Variants in NRXN3 observed in about 807,000 individuals in gnomAD.
The protein encoded by NRXN3 is neurexin 3, also known as neurexin III.
NRXN3 carries 32 observed loss-of-function variants against 137.6 expected under a neutral mutation model. That is an observed-to-expected ratio of 0.23 (90% CI 0.18 to 0.31). NRXN3 has a LOEUF of 0.31. Among genes scored for constraint, NRXN3 ranks in the 10% least tolerant of loss-of-function variants. The pLI is 1.00. For synonymous variants in NRXN3, 798 were observed against 784.5 expected (o/e 1.02, Z -0.29); for missense variants, 1,574 against 2,062.5 (o/e 0.76, Z 4.59).
chr14:78,234,718 C>T (rs1324533589), intron 1 of NRXN3, among the ~76,000 whole-genome samples: 1 of 152,152 alleles, frequency 6.6e-6, no homozygotes, highest in African/African-American at 2.4e-5. Context: ...TTCCTTTCTA[C>T]TAACATATAA....
intron 4 of NRXN3, among the ~76,000 whole-genome samples, chr14:78,388,125 G>A (rs1205363314): frequency 1.3e-5 from 2 of 152,176 alleles, no homozygotes; most frequent in Non-Finnish European, 2.9e-5. Context: ...AATTGCGCAG[G>A]TGGGATGGAT....
At chr14:79,646,721 C>G (rs947787974) in intron 16 of NRXN3, among the ~76,000 whole-genome samples, 1 of 130,520 alleles carries the variant, frequency 7.7e-6, no homozygotes, top group Non-Finnish European at 1.8e-5. Context: ...TGGTACGTTA[C>G]AGAAGGCATG....
intron 16 of NRXN3, among the ~76,000 whole-genome samples, chr14:79,544,360 C>T (rs751426988): frequency 4.6e-5 from 7 of 152,206 alleles, no homozygotes; most frequent in Non-Finnish European, 7.3e-5. Flanking sequence ...AGGAAAAATG[C>T]CACGATAACA....
intron 4 of NRXN3, among the ~76,000 whole-genome samples, chr14:78,531,858 G>A (rs756291373): frequency 6.6e-6 from 1 of 152,144 alleles, no homozygotes; most frequent in Non-Finnish European, 1.5e-5. Flanking sequence ...GCTTTTGGGG[G>A]AAGGTTTTAT....
chr14:78,593,312 C>T (rs758846210), intron 4 of NRXN3, among the ~76,000 whole-genome samples: 15 of 152,174 alleles, frequency 9.9e-5, no homozygotes, highest in South Asian at 2.1e-4. Context: ...TGAGACTGCA[C>T]GAAGATAAAA....
chr14:78,441,858 A>C (rs1246567427), intron 4 of NRXN3, among the ~76,000 whole-genome samples: 3 of 152,114 alleles, frequency 2.0e-5, no homozygotes, highest in Non-Finnish European at 4.4e-5. Context: ...GCACTTTGGG[A>C]GGCCCAGGCA....
intron 4 of NRXN3, among the ~76,000 whole-genome samples, chr14:78,474,971 T>G (rs1001361212): frequency 6.6e-6 from 1 of 152,294 alleles, no homozygotes; most frequent in East Asian, 1.9e-4. Context: ...GTGGGTCTAG[T>G]GTACCCCAGG....
intron 4 of NRXN3, among the ~76,000 whole-genome samples, chr14:78,493,241 G>T (rs559160431): frequency 4.5e-4 from 68 of 151,354 alleles, no homozygotes; most frequent in African/African-American, 1.6e-3. Flanking sequence ...GCCAGGAGGG[G>T]TCAGGCATTG....
chr14:79,715,011 TG>T (rs2098818750), intron 19 of NRXN3, among the ~76,000 whole-genome samples: 1 of 152,174 alleles, frequency 6.6e-6, no homozygotes, highest in South Asian at 2.1e-4. Context: ...TGGAGGGCAG[TG>T]GCGTGATCGG....
chr14:79,294,323 T>C (rs1310077018), intron 15 of NRXN3, among the ~76,000 whole-genome samples: 2 of 152,228 alleles, frequency 1.3e-5, no homozygotes, highest in East Asian at 3.9e-4. Context: ...TATCAACTCA[T>C]TCAATATTAG....
chr14:78,337,648 A>T lies in NRXN3; in HGVS notation c.757+39788A>T, dbSNP rs190037740. On this transcript the variant is annotated intron_variant, in intron 4 of 20. Transcript: ENST00000335750. ...CAAAGGCTGTCTCACCCTGTGTGTT[A>T]GGCAGAGCACTGGATATTTTCTCTA... Among the ~76,000 whole-genome samples the T allele has an allele frequency of 3.3e-5, 5 of 152,260 alleles. No individual in the cohort carries two copies. The East Asian group carries it at 9.7e-4, about 29-fold the overall frequency.
chr14:78,528,316 C>T (rs563067993), intron 4 of NRXN3, among the ~76,000 whole-genome samples: 66 of 152,290 alleles, frequency 4.3e-4, no homozygotes, highest in African/African-American at 1.5e-3. Context: ...CAACAACTTC[C>T]CTTCAGTGGA....
chr14:79,655,375 C>T (rs748615333), intron 16 of NRXN3, among the ~76,000 whole-genome samples: 15 of 152,120 alleles, frequency 9.9e-5, no homozygotes, highest in East Asian at 3.9e-4. Context: ...GAGAGCTTAT[C>T]GATACATACT....
In NRXN3 at chr14:79,663,915, G is replaced by A. The variant is rs2098546103; in HGVS notation, c.3582G>A (p.Val1194=). The change falls in exon 17 of 21, where the codon GTG becomes GTA. Residue 1194 remains valine, a synonymous_variant. Transcript: ENST00000335750. The stretch of plus-strand genomic sequence containing the variant: ...ACGGCGGCAACGCCACCCTGCAGGT[G>A]GACAACTGGCCAGTGAATGAACATT... ...TRNGGNATLQ[V]DNWPVNEHYP... The A allele has an allele frequency of 1.2e-6, 2 of 1,613,436 alleles. No individual in the cohort carries two copies. Among genetic ancestry groups the A allele is most frequent in the Non-Finnish European group, 1.7e-6 (2 of 1,179,668 alleles).
chr14:79,127,797 C>G (rs1306008503), intron 15 of NRXN3, among the ~76,000 whole-genome samples: 1 of 152,142 alleles, frequency 6.6e-6, no homozygotes, highest in Admixed American at 6.5e-5. Flanking sequence ...ATTGATTCTT[C>G]CTACCGATGA....
At chr14:79,751,380 G>T (rs1170793536) in intron 19 of NRXN3, among the ~76,000 whole-genome samples, 1 of 151,508 alleles carries the variant, frequency 6.6e-6, no homozygotes, top group Non-Finnish European at 1.5e-5. Context: ...TTTGTCTGTT[G>T]TTGGTGTATA....
intron 10 of NRXN3, among the ~76,000 whole-genome samples, chr14:78,881,993 C>T (rs1356163448): frequency 6.6e-6 from 1 of 151,690 alleles, no homozygotes; most frequent in African/African-American, 2.4e-5. Flanking sequence ...CCAGCTGCTC[C>T]AGCCATGGCT....
rs992937209 is a variant in NRXN3 at position 79,189,539 on chromosome 14, T to TA, written c.3262+201410dup. On this transcript the variant is annotated intron_variant, in intron 15 of 20. Coordinates refer to ENST00000335750, the MANE Select transcript of NRXN3 (RefSeq NM_001330195.2). ...GTACCCTAGAACTTGAAGTATAATT[T>TA]AAAAAAAAAAAAGTCCCTTTCTTCT... is the stretch of plus-strand genomic sequence containing the variant. 3.2e-3 allele frequency among the ~76,000 whole-genome samples: 432 copies of TA among 134,940 alleles called. 1 individual carries two copies. The highest frequency in any genetic ancestry group is 9.9e-3 in the African/African-American group (386 of 38,920). The allele number at this position is 134,940 out of a possible 152,430, so 88.5% of individuals were successfully genotyped here.
intron 15 of NRXN3, among the ~76,000 whole-genome samples, chr14:79,114,900 A>ACT (rs2054140161): frequency 6.6e-6 from 1 of 151,866 alleles, no homozygotes; most frequent in Admixed American, 6.6e-5. Flanking sequence ...CAGCACTTCA[A>ACT]CTCTCACACG....
Sources: gnomAD v4.1 joint callset for allele counts (sites outside exome capture counted in the v4.1 genomes callset) on GRCh38, gnomAD v4.1.1 for gene constraint, MANE v1.5 for transcripts, NCBI Gene and HGNC (gene_info 2026-07-23, HGNC 2026-07-21) for gene names.